The following CPQ variants were observed in gnomAD, a reference collection of about 807,000 sequenced individuals.
The protein encoded by CPQ is carboxypeptidase Q.
A neutral mutation model predicts 45.7 loss-of-function variants in CPQ; 37 were observed. The ratio of observed to expected loss-of-function variants is 0.81; its 90% confidence interval spans 0.62 to 1.07. The LOEUF is 1.07. CPQ is among the 50% of genes least tolerant of loss of function. CPQ has a pLI of 0.00. For synonymous variants in CPQ, 186 were observed against 205.8 expected, an observed-to-expected ratio of 0.90 and a Z score of 0.82; for missense variants, 537 against 572.9, an observed-to-expected ratio of 0.94 and a Z score of 0.64.
At chr8:97,080,851 C>CT (rs1461461181) in intron 7 of CPQ, among the ~76,000 whole-genome samples, 1 of 152,116 alleles carries the variant, frequency 6.6e-6, no homozygotes, top group Non-Finnish European at 1.5e-5. Context: ...CCTGAGTGAT[C>CT]CGTTGCCTAT....
At chr8:96,875,188 T>G (rs1054747009) in intron 3 of CPQ, among the ~76,000 whole-genome samples, 1 of 151,972 alleles carries the variant, frequency 6.6e-6, no homozygotes, top group African/African-American at 2.4e-5. Flanking sequence ...TTTAAAATTA[T>G]TGAATTGTTA....
chr8:97,072,994 G>A (rs1271990375), intron 7 of CPQ, among the ~76,000 whole-genome samples: 1 of 152,112 alleles, frequency 6.6e-6, no homozygotes, highest in Non-Finnish European at 1.5e-5. Context: ...TGCCAATGAG[G>A]TTTATTAACT....
At chr8:97,141,370 A>T (rs1357106309) in intron 7 of CPQ, among the ~76,000 whole-genome samples, 1 of 152,176 alleles carries the variant, frequency 6.6e-6, no homozygotes, top group African/African-American at 2.4e-5. Flanking sequence ...GGCAAAATGC[A>T]TGAACAAGAA....
chr8:97,122,464 A>T (rs1563586543), intron 7 of CPQ, among the ~76,000 whole-genome samples: 1 of 152,186 alleles, frequency 6.6e-6, no homozygotes, highest in African/African-American at 2.4e-5. Flanking sequence ...GAAATTAAGA[A>T]TTTTTTAGAC....
intron 1 of CPQ, among the ~76,000 whole-genome samples, chr8:96,687,320 C>G (rs1312609391): frequency 6.6e-6 from 1 of 152,028 alleles, no homozygotes; most frequent in East Asian, 1.9e-4. Flanking sequence ...TAAAGTGATT[C>G]TCCTGCCTCA....
chr8:96,686,226 A>G (rs975306079), intron 1 of CPQ, among the ~76,000 whole-genome samples: 1 of 152,038 alleles, frequency 6.6e-6, no homozygotes, highest in African/African-American at 2.4e-5. Flanking sequence ...AGGACCTCCA[A>G]AAAATTAATG....
At chr8:96,645,789 T>G (rs975612765) in intron 1 of CPQ, among the ~76,000 whole-genome samples, 19 of 151,048 alleles carry the variant, frequency 1.3e-4, no homozygotes, top group African/African-American at 4.6e-4. Context: ...ACAATCCTGG[T>G]CCCCCTGAGC....
intron 4 of CPQ, among the ~76,000 whole-genome samples, chr8:96,956,580 A>G (rs1480909344): frequency 3.3e-5 from 5 of 152,152 alleles, no homozygotes. Flanking sequence ...GTATATATAC[A>G]TAATACATAT....
chr8:96,698,440 C>G (rs1482583642), intron 1 of CPQ, among the ~76,000 whole-genome samples: 1 of 151,958 alleles, frequency 6.6e-6, no homozygotes, highest in African/African-American at 2.4e-5. Context: ...TTGGACTGGG[C>G]AAATATTTCT....
At chr8:97,031,547 G>T (rs955249421) in intron 6 of CPQ, among the ~76,000 whole-genome samples, 1 of 152,096 alleles carries the variant, frequency 6.6e-6, no homozygotes, top group Non-Finnish European at 1.5e-5. Flanking sequence ...AATTGATCTG[G>T]CTAAAAATTT....
intron 5 of CPQ, among the ~76,000 whole-genome samples, chr8:96,982,131 A>C (rs1813911341): frequency 6.6e-6 from 1 of 152,238 alleles, no homozygotes; most frequent in Non-Finnish European, 1.5e-5. Flanking sequence ...TTGGTGGAGC[A>C]GTGATGTGGG....
chr8:96,865,311 G>A (rs1360997278), intron 3 of CPQ, among the ~76,000 whole-genome samples: 1 of 152,062 alleles, frequency 6.6e-6, no homozygotes, highest in African/African-American at 2.4e-5. Flanking sequence ...GAACCTGTGA[G>A]TCTGTCTGGA....
chr8:97,122,961 T>A (rs1161053126), intron 7 of CPQ, among the ~76,000 whole-genome samples: 9 of 59,470 alleles, frequency 1.5e-4, no homozygotes, highest in Admixed American at 2.5e-4. Flanking sequence ...TAAAATAAAA[T>A]AAAATAAAAT....
At chr8:96,683,297 G>T (rs2130730819) in intron 1 of CPQ, among the ~76,000 whole-genome samples, 1 of 152,234 alleles carries the variant, frequency 6.6e-6, no homozygotes, top group East Asian at 1.9e-4. Flanking sequence ...GGTATTCTTA[G>T]ATGGCAGGGT....
At chr8:97,098,646 G>T (rs1327492855) in intron 7 of CPQ, among the ~76,000 whole-genome samples, 1 of 152,088 alleles carries the variant, frequency 6.6e-6, no homozygotes, top group African/African-American at 2.4e-5. Context: ...GATGTTCTCT[G>T]GCACAAGGAA....
intron 1 of CPQ, among the ~76,000 whole-genome samples, chr8:96,741,041 A>G (rs1476481815): frequency 6.6e-6 from 1 of 152,182 alleles, no homozygotes; most frequent in East Asian, 1.9e-4. Context: ...ATAGTTTCAG[A>G]AGGAATGGTA....
At position 96,685,105 on chromosome 8, in the gene CPQ, A is replaced by C. The variant is rs554641445; in HGVS notation, c.-35+39703A>C. Among the ~76,000 whole-genome samples, 98 of 152,206 alleles carry C rather than the reference A, an allele frequency of 6.4e-4. 2 individuals carry two copies. The South Asian group carries it at 0.02, about 31-fold the overall frequency. ...GGGTGATAGAGTGAAACTCCATCTC[A>C]AAAACAAACAAACAACAAAAAAACA... is the stretch of plus-strand genomic sequence containing the variant. On this transcript the variant is annotated intron_variant, in intron 1 of 7. Coordinates refer to ENST00000220763, the MANE Select transcript of CPQ (RefSeq NM_016134.4).
chr8:96,719,408 C>T (rs1012609930), intron 1 of CPQ, among the ~76,000 whole-genome samples: 8 of 152,202 alleles, frequency 5.3e-5, no homozygotes, highest in Non-Finnish European at 1.0e-4. Context: ...CACGCCCACC[C>T]GGAACTCCAG....
At chr8:96,925,027 T>G (rs532005735) in intron 4 of CPQ, among the ~76,000 whole-genome samples, 1 of 152,340 alleles carries the variant, frequency 6.6e-6, no homozygotes, top group East Asian at 1.9e-4. Context: ...AAATATTTAT[T>G]GAATGAGTGA....
Sources: gnomAD v4.1 joint callset for allele counts (sites outside exome capture counted in the v4.1 genomes callset) on GRCh38, gnomAD v4.1.1 for gene constraint, MANE v1.5 for transcripts, NCBI Gene and HGNC (gene_info 2026-07-23, HGNC 2026-07-21) for gene names.